The following NBEAL1 variants were observed in gnomAD, a reference collection of about 807,000 sequenced individuals.
NBEAL1 encodes the protein neurobeachin-like protein 1.
A neutral mutation model predicts 351.3 loss-of-function variants in NBEAL1; 273 were observed. The observed-to-expected ratio is 0.78, with a 90% CI of 0.70 to 0.86. The LOEUF (loss-of-function observed/expected upper bound fraction) is 0.86. Ranked by LOEUF, NBEAL1 falls within the 40% of genes least tolerant of loss-of-function variation. The pLI, the probability that NBEAL1 is intolerant of heterozygous loss-of-function variation, is 0.00. For synonymous variants in NBEAL1, 1,050 were observed against 1,086.4 expected, an observed-to-expected ratio of 0.97 and a Z score of 0.66; for missense variants, 2,961 against 3,201.3, an observed-to-expected ratio of 0.92 and a Z score of 1.81.
intron 55 of NBEAL1, 70 bp from the exon 56 acceptor site, chr2:203,217,181 AGT>A: frequency 1.8e-6 from 2 of 1,109,474 alleles, no homozygotes; most frequent in Non-Finnish European, 1.2e-6. Flanking sequence ...CTGCAAAATC[AGT>A]GTCTTACATA....
intron 47 of NBEAL1, among the ~76,000 whole-genome samples, chr2:203,194,671 A>G (rs961303462): frequency 6.6e-6 from 1 of 152,150 alleles, no homozygotes; most frequent in Non-Finnish European, 1.5e-5. Flanking sequence ...GTAGATACAT[A>G]TATAACCACT....
chr2:203,019,064 G>A (rs1490188169), intron 2 of NBEAL1, among the ~76,000 whole-genome samples: 2 of 152,082 alleles, frequency 1.3e-5, no homozygotes, highest in African/African-American at 4.8e-5. Context: ...CTGTTTATGT[G>A]TTGAAGAAAC....
chr2:203,130,616 T>A (rs2063051624), intron 25 of NBEAL1, 140 bp downstream of exon 25: 1 of 534,116 alleles, frequency 1.9e-6, no homozygotes. Context: ...TATATATAGT[T>A]TTCATGTTTC....
chr2:203,070,941 T>G (rs2061672141), intron 7 of NBEAL1, among the ~76,000 whole-genome samples: 1 of 152,200 alleles, frequency 6.6e-6, no homozygotes, highest in South Asian at 2.1e-4. Flanking sequence ...AACAAAATGT[T>G]TTTGTAGATA....
intron 4 of NBEAL1, 154 bp downstream of exon 4, chr2:203,050,129 A>T (rs555674744): frequency 9.5e-6 from 6 of 628,670 alleles, no homozygotes; most frequent in South Asian, 2.4e-5. Context: ...CCTAATGTAG[A>T]TGATGGGTTG....
In NBEAL1 at chr2:203,224,204, A is replaced by C. The variant is rs1267954897; in HGVS notation, c.*6850A>C. Among the ~76,000 whole-genome samples the C allele has an allele frequency of 1.3e-5, 2 of 152,026 alleles. No homozygotes were observed. Among genetic ancestry groups the C allele is most frequent in the Non-Finnish European group, 2.9e-5 (2 of 67,912 alleles). ...CCTATTCTGCTTTTTGCTGCTCTCAAAGACTGTGATTGATGAACATCACCA... is the reference window on the plus strand; with the variant it reads ...CCTATTCTGCTTTTTGCTGCTCTCACAGACTGTGATTGATGAACATCACCA... On this transcript the variant is annotated 3_prime_UTR_variant, in exon 56 of 56. Coordinates refer to ENST00000683969, the MANE Select transcript of NBEAL1 (RefSeq NM_001378026.1).
At position 203,199,434 on chromosome 2, in the gene NBEAL1, G is replaced by A. The variant is rs377432403; in HGVS notation, c.7225G>A (p.Val2409Met). 6 of 1,581,436 alleles carry A rather than the reference G, an allele frequency of 3.8e-6. No individual in the cohort carries two copies. Among genetic ancestry groups the A allele is most frequent in the Middle Eastern group, 1.8e-4 (1 of 5,712 alleles). Residue 2409 changes from valine to methionine, a missense_variant, in exon 49 of 56, where the codon GTG becomes ATG. Transcript: ENST00000683969. Reference sequence around the variant, plus strand: ...CTTTACATTCATCAAGGATCAAACTGTGACAAATCCAAAGTAAGTAAATGA... The same window carrying A: ...CTTTACATTCATCAAGGATCAAACTATGACAAATCCAAAGTAAGTAAATGA... ...NYFTFIKDQTVTNPKTQRSIN... is the reference protein window; with the variant it reads ...NYFTFIKDQTMTNPKTQRSIN...
intron 8 of NBEAL1, among the ~76,000 whole-genome samples, chr2:203,079,555 C>T (rs1175172573): frequency 1.3e-5 from 2 of 151,974 alleles, no homozygotes; most frequent in East Asian, 1.9e-4. Flanking sequence ...TATCTTAGGT[C>T]GAAAGTTTTT....
intron 36 of NBEAL1, among the ~76,000 whole-genome samples, chr2:203,162,919 C>T (rs1315401769): frequency 6.6e-6 from 1 of 152,114 alleles, no homozygotes; most frequent in Admixed American, 6.6e-5. Flanking sequence ...TTTGGGAGGC[C>T]GAGGTAGGCG....
Position 203,044,711 on chromosome 2 carries a change from C to T in NBEAL1, c.143+2855C>T, listed in dbSNP as rs561894312. On this transcript the variant is annotated intron_variant, in intron 3 of 55. Transcript: ENST00000683969. ...CATTCAGATTTTTAAGTACATGCTACGTACAAGATATTTTATGAAATTAGT... is the reference window on the plus strand; with the variant it reads ...CATTCAGATTTTTAAGTACATGCTATGTACAAGATATTTTATGAAATTAGT... 4.9e-4 allele frequency among the ~76,000 whole-genome samples: 75 copies of T among 152,212 alleles called. 1 individual carries two copies. In the South Asian group the frequency reaches 7.5e-3, roughly 15 times the overall value.
At chr2:203,105,238 G>T (rs949415060) in intron 12 of NBEAL1, among the ~76,000 whole-genome samples, 1 of 151,878 alleles carries the variant, frequency 6.6e-6, no homozygotes, top group East Asian at 2.0e-4. Flanking sequence ...TGAGGCAGGC[G>T]GATCATGAGT....
chr2:203,107,622 C>A lies in NBEAL1; in HGVS notation c.1383C>A (p.Asp461Glu). 1.9e-6 allele frequency: 3 copies of A among 1,551,752 alleles called. No individual in the cohort carries two copies. The highest frequency in any genetic ancestry group is 2.6e-6 in the Non-Finnish European group (3 of 1,146,824). ...TTGCTTTTCAGGCTGTAGAGGGTGACCACACTTCAGTTGGGATTTTGGGCA... is the reference window on the plus strand; with the variant it reads ...TTGCTTTTCAGGCTGTAGAGGGTGAACACACTTCAGTTGGGATTTTGGGCA... ...KELMNMAVEGDHTSVGILGIS... is the reference protein window; with the variant it reads ...KELMNMAVEGEHTSVGILGIS... Residue 461 changes from aspartate (D) to glutamate (E), a missense_variant, in exon 14 of 56, where the codon GAC becomes GAA. By Grantham distance (45) the Asp-to-Glu change is conservative (BLOSUM62 2). Coordinates refer to ENST00000683969, the MANE Select transcript of NBEAL1 (RefSeq NM_001378026.1).
intron 6 of NBEAL1, among the ~76,000 whole-genome samples, chr2:203,066,989 C>G (rs1385033669): frequency 1.3e-5 from 2 of 149,984 alleles, no homozygotes; most frequent in East Asian, 4.0e-4. Flanking sequence ...GGCAGAGGCA[C>G]TCCTCACCTC....
Position 203,125,365 on chromosome 2 carries a change from G to A in NBEAL1, c.2696G>A (p.Cys899Tyr), listed in dbSNP as rs1434156794. 2 of 1,530,144 alleles carry A rather than the reference G, an allele frequency of 1.3e-6. No individual in the cohort carries two copies. The highest frequency in any genetic ancestry group is 8.8e-7 in the Non-Finnish European group (1 of 1,139,654). The allele number at this position is 1,530,144 out of a possible 1,614,324, so 94.8% of individuals were successfully genotyped here. The change falls in exon 20 of 56, where the codon TGC becomes TAC. Residue 899 changes from cysteine to tyrosine, a missense_variant. Transcript: ENST00000683969. The stretch of plus-strand genomic sequence containing the variant: ...TTTTCCCTTTAGGATATCATAAACT[G>A]CATAGGTGGGTTAAATGTACTCTTT... ...VNWDIKDIIN[C>Y]IGGLNVLFPL...
chr2:203,123,342 C>CTTTTTTTTTTTTTTTTTTTTTTT (rs556349216), intron 19 of NBEAL1, among the ~76,000 whole-genome samples: 1 of 139,048 alleles, frequency 7.2e-6, no homozygotes, highest in Non-Finnish European at 1.6e-5. Flanking sequence ...TTTCTTTTTT[C>CTTTTTTTTTTTTTTTTTTTTTTT]TTTTTTTTTT....
chr2:203,021,794 A>G (rs984100103), intron 2 of NBEAL1, among the ~76,000 whole-genome samples: 7 of 152,198 alleles, frequency 4.6e-5, no homozygotes, highest in African/African-American at 1.4e-4. Flanking sequence ...TCACGCCTGT[A>G]ATCCCAGCAC....
At chr2:203,178,862 A>T (rs1200943462) in intron 42 of NBEAL1, among the ~76,000 whole-genome samples, 8 of 152,216 alleles carry the variant, frequency 5.3e-5, no homozygotes, top group Non-Finnish European at 7.3e-5. Context: ...CACTGTGATG[A>T]TAGTTGCACA....
chr2:203,113,895 C>T (rs2062630163), intron 17 of NBEAL1, among the ~76,000 whole-genome samples: 1 of 149,922 alleles, frequency 6.7e-6, no homozygotes, highest in Non-Finnish European at 1.5e-5. Context: ...GATCCCGGCT[C>T]ACTGCAAGCT....
intron 2 of NBEAL1, among the ~76,000 whole-genome samples, chr2:203,037,263 C>G (rs901165093): frequency 5.4e-5 from 8 of 148,888 alleles, no homozygotes; most frequent in African/African-American, 2.0e-4. Context: ...CTTGAGTTTC[C>G]TTTAACCAAG....
Sources: allele counts gnomAD v4.1 joint callset (sites outside exome capture counted in the v4.1 genomes callset), GRCh38; gene constraint gnomAD v4.1.1; transcripts MANE v1.5; gene names NCBI Gene and HGNC (gene_info 2026-07-23, HGNC 2026-07-21).